Variants in AASDH observed in about 807,000 individuals in gnomAD.
AASDH encodes the protein beta-alanine-activating enzyme.
In AASDH, 81 loss-of-function variants were observed where a neutral mutation model predicts 102.3. The observed-to-expected ratio is 0.79, with a 90% CI of 0.66 to 0.95. AASDH has a LOEUF of 0.95. Among genes scored for constraint, AASDH ranks in the 40% least tolerant of loss-of-function variants. The probability of loss-of-function intolerance (pLI) is 0.00; values close to 1 mark genes in which losing one functional copy is unlikely to be tolerated. For missense variants in AASDH, 1,203 were observed against 1,266.2 expected (o/e 0.95, Z 0.76); for synonymous variants, 398 against 454.0 (o/e 0.88, Z 1.57).
At position 56,353,412 on chromosome 4, in the gene AASDH, G is replaced by A. The variant is rs753226095; in HGVS notation, c.1568C>T (p.Thr523Ile). The A allele has an allele frequency of 1.9e-6, 3 of 1,598,780 alleles. No individual in the cohort carries two copies. Among genetic ancestry groups the A allele is most frequent in the East Asian group, 2.2e-5 (1 of 44,664 alleles). The change falls in exon 9 of 15, where the codon ACA (threonine) becomes ATA (isoleucine). Residue 523 changes from threonine to isoleucine, a missense_variant. Physicochemically the swap from Thr to Ile is moderately conservative, Grantham distance 89 (BLOSUM62 -1). Coordinates refer to ENST00000205214, the MANE Select transcript of AASDH (RefSeq NM_181806.4). ...ELVLIDSLPF[T>I]SHGKIDVSEL... ...GCTTTAAATTACTTTACCGTGGGATGTAAATGGTAGAGAGTCGATCAATAC... is the reference window on the plus strand; with the variant it reads ...GCTTTAAATTACTTTACCGTGGGATATAAATGGTAGAGAGTCGATCAATAC...
At chr4:56,364,927 T>C (rs916552710) in intron 5 of AASDH, among the ~76,000 whole-genome samples, 2 of 152,022 alleles carry the variant, frequency 1.3e-5, no homozygotes, top group African/African-American at 4.8e-5. Context: ...GACTGGCAAA[T>C]TGGATAAAGA....
chr4:56,344,159 T>C (rs79679837), intron 12 of AASDH, among the ~76,000 whole-genome samples: 2,417 of 152,322 alleles, frequency 0.016, 73 homozygotes, highest in African/African-American at 0.055. Context: ...GGCATCTTAA[T>C]GCATATATTT....
chr4:56,362,622 T>C (rs1344543413), intron 5 of AASDH, among the ~76,000 whole-genome samples: 2 of 152,116 alleles, frequency 1.3e-5, no homozygotes, highest in African/African-American at 2.4e-5. Flanking sequence ...AGGTTTTTAT[T>C]TGTAAATAAA....
Position 56,349,920 on chromosome 4 carries a change from G to A in AASDH, c.1831C>T (p.Leu611=). The stretch of plus-strand genomic sequence containing the variant: ...ATGGAACTGCTGAGAATAATTTCCA[G>A]AAGCCCAGGTACTGATGTACCAACA... The part of the protein sequence containing the change: ...KLVGTSVPGL[L]EIILSSSILE... Residue 611 remains leucine (L), a synonymous_variant, in exon 11 of 15, where the codon CTG becomes TTG. Coordinates refer to ENST00000205214, the MANE Select transcript of AASDH (RefSeq NM_181806.4). The A allele has an allele frequency of 6.2e-7, 1 of 1,614,064 alleles. No homozygotes were observed. Among genetic ancestry groups the A allele is most frequent in the Non-Finnish European group, 8.5e-7 (1 of 1,180,030 alleles).
At position 56,349,504 on chromosome 4, in the gene AASDH, C is replaced by T. The variant is rs754272588; in HGVS notation, c.2247G>A (p.Gly749=). 2 of 1,614,062 alleles carry T rather than the reference C, an allele frequency of 1.2e-6. No individual in the cohort carries two copies. The highest frequency in any genetic ancestry group is 1.7e-6 in the Non-Finnish European group (2 of 1,180,034). The change falls in exon 11 of 15, where the codon GGG becomes GGA. Residue 749 remains glycine, a synonymous_variant. Coordinates refer to ENST00000205214, the MANE Select transcript of AASDH (RefSeq NM_181806.4). ...TCACATGTAACTCCATTTTCTGAGT[C>T]CCTATCGCAGGTTTCCCCTCTTCAG... ...KVSEEGKPAI[G]TQKMELHVRW...
chr4:56,384,454 T>G, intron 1 of AASDH, 113 bp from the exon 2 acceptor site: 2 of 598,412 alleles, frequency 3.3e-6, no homozygotes, highest in Non-Finnish European at 5.9e-6. Context: ...ATCAAAGATA[T>G]ATAAATGAAG....
At chr4:56,352,169 G>A (rs571497478) in intron 9 of AASDH, among the ~76,000 whole-genome samples, 1 of 152,206 alleles carries the variant, frequency 6.6e-6, no homozygotes, top group South Asian at 2.1e-4. Flanking sequence ...AACAGTCCTA[G>A]ACAGAATATC....
Position 56,378,236 on chromosome 4 carries a change from A to G in AASDH, c.580T>C (p.Tyr194His). 2 of 1,614,260 alleles carry G rather than the reference A, an allele frequency of 1.2e-6. No homozygotes were observed. The highest frequency in any genetic ancestry group is 1.7e-6 in the Non-Finnish European group (2 of 1,180,042). Reference protein sequence around the residue: ...MDLRLKHCLAYVLHTSGTTGI... With the variant: ...MDLRLKHCLAHVLHTSGTTGI... Reference sequence around the variant, plus strand: ...GTAGTCCCTGATGTATGTAGAACATAGGCTAAGCAATGCTTTAGCCTCAGA... The same window carrying G: ...GTAGTCCCTGATGTATGTAGAACATGGGCTAAGCAATGCTTTAGCCTCAGA... The change falls in exon 4 of 15, where the codon TAT (tyrosine) becomes CAT (histidine). Residue 194 changes from tyrosine to histidine, a missense_variant. Tyr to His is a moderately conservative substitution (Grantham distance 83). Coordinates refer to ENST00000205214, the MANE Select transcript of AASDH (RefSeq NM_181806.4).
intron 1 of AASDH, among the ~76,000 whole-genome samples, chr4:56,386,863 TA>T (rs1207189856): frequency 3.5e-5 from 5 of 143,330 alleles, no homozygotes. Flanking sequence ...ATTTTACATG[TA>T]AAAGGAATAA....
intron 4 of AASDH, among the ~76,000 whole-genome samples, chr4:56,373,356 C>T (rs896956477): frequency 1.3e-5 from 2 of 151,894 alleles, no homozygotes; most frequent in Non-Finnish European, 2.9e-5. Context: ...TTGATCAGGC[C>T]GGTCTCGAAC....
chr4:56,369,593 G>A (rs55890437), intron 5 of AASDH, among the ~76,000 whole-genome samples: 13,438 of 152,014 alleles, frequency 0.088, 744 homozygotes, highest in East Asian at 0.25. Flanking sequence ...CTCAATTCTC[G>A]TTACCCTGGA....
chr4:56,341,354 T>C (rs951481949), intron 14 of AASDH, among the ~76,000 whole-genome samples: 3 of 148,970 alleles, frequency 2.0e-5, no homozygotes, highest in African/African-American at 7.3e-5. Context: ...AATCATGTCA[T>C]TTGCAGCAAC....
At chr4:56,377,919 C>T (rs978626693) in intron 4 of AASDH, among the ~76,000 whole-genome samples, 8 of 152,140 alleles carry the variant, frequency 5.3e-5, no homozygotes, top group Non-Finnish European at 7.3e-5. Flanking sequence ...ATTCTCCTGC[C>T]TCAGCCTCTC....
chr4:56,371,337 C>G, intron 5 of AASDH, 114 bp downstream of exon 5: 1 of 1,116,018 alleles, frequency 9.0e-7, no homozygotes, highest in Non-Finnish European at 1.2e-6. Context: ...CCTTGATAAT[C>G]TAACCAGATT....
intron 1 of AASDH, among the ~76,000 whole-genome samples, chr4:56,386,590 G>C (rs971159188): frequency 6.6e-6 from 1 of 150,452 alleles, no homozygotes; most frequent in African/African-American, 2.4e-5. Flanking sequence ...TCAGGAGATC[G>C]AGACCATCCT....
chr4:56,386,954 G>A (rs530908338), intron 1 of AASDH, among the ~76,000 whole-genome samples: 25 of 152,116 alleles, frequency 1.6e-4, no homozygotes, highest in Non-Finnish European at 2.6e-4. Context: ...TTGCTATGGG[G>A]CCTCTCTCTA....
rs1377413704 is a variant in AASDH, at chr4:56,338,422, A to G, written c.3277T>C (p.Leu1093=). The G allele has an allele frequency of 4.3e-6, 7 of 1,613,578 alleles. No individual in the cohort carries two copies. Among genetic ancestry groups the G allele is most frequent in the Non-Finnish European group, 5.9e-6 (7 of 1,179,808 alleles). Residue 1093 remains leucine, a synonymous_variant, in exon 15 of 15, where the codon TTG becomes CTG. Coordinates refer to ENST00000205214, the MANE Select transcript of AASDH (RefSeq NM_181806.4). ...RDNYVYCLDL[L]GGNQK ...TTTGATTATTTTTGATTGCCACCCA[A>G]TAAATCCAGACAATAAACATAATTA...
intron 14 of AASDH, among the ~76,000 whole-genome samples, chr4:56,339,443 C>A (rs1001385427): frequency 4.6e-5 from 7 of 152,130 alleles, no homozygotes; most frequent in Admixed American, 1.3e-4. Context: ...CCACATCCAG[C>A]CTTCAGTGTA....
chr4:56,345,329 T>A, intron 11 of AASDH, 39 bp from the exon 12 acceptor site: 2 of 1,570,016 alleles, frequency 1.3e-6, no homozygotes, highest in Non-Finnish European at 8.7e-7. Context: ...GATATAGATA[T>A]ATTACTGGAA....
Sources: gnomAD v4.1 joint callset for allele counts (sites outside exome capture counted in the v4.1 genomes callset) on GRCh38, gnomAD v4.1.1 for gene constraint, MANE v1.5 for transcripts, NCBI Gene and HGNC (gene_info 2026-07-23, HGNC 2026-07-21) for gene names.